Variants in VPS13D observed in about 807,000 individuals in gnomAD.
VPS13D encodes the protein intermembrane lipid transfer protein VPS13D.
Under a neutral mutation model 461.9 loss-of-function variants are expected in VPS13D, and 187 were observed. That is an observed-to-expected ratio of 0.40 (90% CI 0.36 to 0.46). VPS13D has a LOEUF of 0.46. VPS13D is among the 20% of genes least tolerant of loss of function. The pLI, the probability that VPS13D is intolerant of heterozygous loss-of-function variation, is 0.60. For synonymous variants in VPS13D, 1,951 were observed against 1,986.3 expected, an observed-to-expected ratio of 0.98 and a Z score of 0.47; for missense variants, 4,711 against 5,364.9, an observed-to-expected ratio of 0.88 and a Z score of 3.81.
At chr1:12,297,396 A>G (rs1467794604) in intron 24 of VPS13D, among the ~76,000 whole-genome samples, 1 of 152,100 alleles carries the variant, frequency 6.6e-6, no homozygotes, top group Non-Finnish European at 1.5e-5. Flanking sequence ...AACCTCTTAT[A>G]TTTGTTACAC....
At chr1:12,375,134 T>A (rs1644180948) in intron 55 of VPS13D, among the ~76,000 whole-genome samples, 1 of 152,250 alleles carries the variant, frequency 6.6e-6, no homozygotes, top group African/African-American at 2.4e-5. Flanking sequence ...CTCACTTCCT[T>A]ACTTTCTGAC....
rs146788547 is a variant in VPS13D at position 12,348,078 on chromosome 1, A to G, written c.9070-745A>G. Among the ~76,000 whole-genome samples, 675 of 152,378 alleles carry G rather than the reference A, an allele frequency of 4.4e-3. 3 individuals are homozygous for G. Among genetic ancestry groups the G allele is most frequent in the African/African-American group, 0.016 (649 of 41,584 alleles). ...GTGTAGACATGTCAACAAATAATAT[A>G]TGGACCTAAATAATATATTTTATGA... On this transcript the variant is annotated intron_variant, in intron 44 of 69. Coordinates refer to ENST00000620676, the MANE Select transcript of VPS13D (RefSeq NM_015378.4).
Position 12,341,864 on chromosome 1 carries a change from C to A in VPS13D, c.8711C>A (p.Thr2904Asn). The A allele has an allele frequency of 1.2e-6, 2 of 1,614,082 alleles. No homozygotes were observed. Among genetic ancestry groups the A allele is most frequent in the Non-Finnish European group, 1.7e-6 (2 of 1,179,980 alleles). ...NHTGCTLWFA[T>N]LTTTPTRAAL... ...ACGGGGTGCACTTTGTGGTTTGCCA[C>A]CCTGACCACCACACCCACCAGGTAA... is the stretch of plus-strand genomic sequence containing the variant. Residue 2904 changes from threonine (T) to asparagine (N), a missense_variant, in exon 41 of 70, where the codon ACC becomes AAC. This residue lies in a region of VPS13D where 4,411 missense variants were observed against 4,937.8 expected (regional missense o/e 0.89). Coordinates refer to ENST00000620676, the MANE Select transcript of VPS13D (RefSeq NM_015378.4).
intron 63 of VPS13D, among the ~76,000 whole-genome samples, chr1:12,413,082 G>A (rs1433142008): frequency 3.3e-5 from 5 of 152,078 alleles, no homozygotes; most frequent in African/African-American, 9.7e-5. Flanking sequence ...AAGAGACTAC[G>A]CTGAGGTACC....
chr1:12,405,890 T>A lies in VPS13D; in HGVS notation c.12030+1917T>A, dbSNP rs538488299. On this transcript the variant is annotated intron_variant, in intron 63 of 69. Transcript: ENST00000620676. ...CAGACACCTCACTATTCCCTTCAAA[T>A]TGCTCCCAGCAGAAAACTCCCCAGA... Among the ~76,000 whole-genome samples, 24 of 152,284 alleles carry A rather than the reference T, an allele frequency of 1.6e-4. No homozygotes were observed. The Middle Eastern group carries it at 0.01, about 65-fold the overall frequency.
intron 63 of VPS13D, among the ~76,000 whole-genome samples, chr1:12,406,554 T>C (rs1000513526): frequency 7.9e-5 from 12 of 152,188 alleles, no homozygotes; most frequent in South Asian, 2.1e-4. Context: ...TTGCCAGATA[T>C]AGTGTCTGTT....
chr1:12,476,188 A>G (rs1330459745), intron 67 of VPS13D, among the ~76,000 whole-genome samples: 3 of 152,172 alleles, frequency 2.0e-5, no homozygotes, highest in Admixed American at 1.3e-4. Context: ...GTGTTCCTGC[A>G]TTTTCAGAGT....
chr1:12,285,299 T>TA lies in VPS13D; in HGVS notation c.5634+1563_5634+1564insA, dbSNP rs1204796418. Among the ~76,000 whole-genome samples, 272 of 147,340 alleles carry TA rather than the reference T, an allele frequency of 1.8e-3. 1 individual carries two copies. Among genetic ancestry groups the TA allele is most frequent in the African/African-American group, 5.8e-3 (237 of 40,520 alleles). ...TTATTTATTTATTTATTTATTTATT[T>TA]TTTTTTTTTGAGACGGAGTCTCGCT... On this transcript the variant is annotated intron_variant, in intron 21 of 69. Transcript: ENST00000620676.
In VPS13D at chr1:12,507,913, T is replaced by C. The variant is rs1030127163; in HGVS notation, c.13035+820T>C. Among the ~76,000 whole-genome samples, 1 of 152,240 alleles carries C rather than the reference T, an allele frequency of 6.6e-6. No individual in the cohort carries two copies. Among genetic ancestry groups the C allele is most frequent in the Admixed American group, 6.5e-5 (1 of 15,290 alleles). On this transcript the variant is annotated intron_variant, in intron 69 of 69. Coordinates refer to ENST00000620676, the MANE Select transcript of VPS13D (RefSeq NM_015378.4). This position sits in a 1 kb window ranked among gnomAD's most constrained non-coding sequence, Gnocchi z 5.3. ...CCCGGCATACCCGGATTTTGAAGCT[T>C]GCATTCAAGAATGATACATTAATCA...
Position 12,244,229 on chromosome 1 carries a change from T to A in VPS13D, c.176-17T>A. The A allele has an allele frequency of 6.3e-7, 1 of 1,597,444 alleles. No homozygotes were observed. The highest frequency in any genetic ancestry group is 8.5e-7 in the Non-Finnish European group (1 of 1,174,120). On this transcript the variant is annotated splice_polypyrimidine_tract_variant and intron_variant, in intron 3 of 69. Transcript: ENST00000620676. ...AATGTGTACAGATGGTGAACAAGAC[T>A]TTCCTTCTCCTTCCAGGCTTCATTG... is the stretch of plus-strand genomic sequence containing the variant.
rs775596233 is a variant in VPS13D, at chr1:12,249,347, T to C, written c.564+8T>C. 1.3e-6 allele frequency: 2 copies of C among 1,598,802 alleles called. No homozygotes were observed. Among genetic ancestry groups the C allele is most frequent in the Non-Finnish European group, 1.7e-6 (2 of 1,170,704 alleles). On this transcript the variant is annotated splice_region_variant and intron_variant, in intron 6 of 69. Transcript: ENST00000620676. ...AATGCTGTGAATGAGCCTGTGAGTA[T>C]GAAATGTGATGACAAAGCAGGAAGA...
chr1:12,234,382 G>A lies in VPS13D; in HGVS notation c.97+19G>A, dbSNP rs938222484. On this transcript the variant is annotated intron_variant, in intron 2 of 69. Coordinates refer to ENST00000620676, the MANE Select transcript of VPS13D (RefSeq NM_015378.4). ...CTCAAAGGTGAGTATTTCTCTGGGT[G>A]AGATACAGCTTTATAGGTGGCGTTT... 4 of 1,595,304 alleles carry A rather than the reference G, an allele frequency of 2.5e-6. No individual in the cohort carries two copies. The highest frequency in any genetic ancestry group is 2.7e-5 in the African/African-American group (2 of 74,358).
chr1:12,344,647 C>G (rs1035281281), intron 42 of VPS13D, among the ~76,000 whole-genome samples: 3 of 152,176 alleles, frequency 2.0e-5, no homozygotes, highest in African/African-American at 7.2e-5. Context: ...TCCCACTATT[C>G]TGCTTGAATT....
chr1:12,403,810 C>A lies in VPS13D; in HGVS notation c.11882-15C>A. Reference sequence around the variant, plus strand: ...GAAATTCTTTTTTGTTTTTTTAATTCTTCCTTTGTACCAGAGGTGGAAAAA... The same window carrying A: ...GAAATTCTTTTTTGTTTTTTTAATTATTCCTTTGTACCAGAGGTGGAAAAA... On this transcript the variant is annotated splice_polypyrimidine_tract_variant and intron_variant, in intron 62 of 69. Transcript: ENST00000620676. The A allele has an allele frequency of 6.4e-7, 1 of 1,559,992 alleles. No homozygotes were observed. Among genetic ancestry groups the A allele is most frequent in the Non-Finnish European group, 8.6e-7 (1 of 1,156,226 alleles).
rs569860940 is a variant in VPS13D at position 12,432,336 on chromosome 1, G to A, written c.12333+15509G>A. ...TGAACCTGGGGAGGCGGAGGTTGCTGTGAGCCTAGATTGTGCCATTGCACT... is the reference window on the plus strand; with the variant it reads ...TGAACCTGGGGAGGCGGAGGTTGCTATGAGCCTAGATTGTGCCATTGCACT... On this transcript the variant is annotated intron_variant, in intron 65 of 69. Transcript: ENST00000620676. 1.1e-4 allele frequency among the ~76,000 whole-genome samples: 16 copies of A among 151,712 alleles called. No homozygotes were observed. In the East Asian group the frequency reaches 3.1e-3, roughly 29 times the overall value.
intron 67 of VPS13D, among the ~76,000 whole-genome samples, chr1:12,477,124 C>T (rs891349088): frequency 4.6e-5 from 7 of 152,118 alleles, no homozygotes; most frequent in Non-Finnish European, 1.0e-4. Context: ...AGCTTGGGCC[C>T]AACTCTTAGT....
intron 34 of VPS13D, 109 bp from the exon 35 acceptor site, chr1:12,323,597 A>G: frequency 9.2e-7 from 1 of 1,083,468 alleles, no homozygotes; most frequent in East Asian, 2.7e-5. Flanking sequence ...AGAGAAATGA[A>G]ATGTTTTAGT....
At chr1:12,253,675 G>T in intron 6 of VPS13D, 47 bp from the exon 7 acceptor site, 1 of 1,415,838 alleles carries the variant, frequency 7.1e-7, no homozygotes, top group South Asian at 1.2e-5. Context: ...TGACATTCAC[G>T]AATAAAGACA....
intron 36 of VPS13D, among the ~76,000 whole-genome samples, chr1:12,328,665 C>T (rs551723352): frequency 6.6e-5 from 10 of 152,220 alleles, no homozygotes; most frequent in South Asian, 2.1e-4. Context: ...TTCAGTCCCC[C>T]GAGTAGCCGG....
Sources: gnomAD v4.1 joint callset for allele counts (sites outside exome capture counted in the v4.1 genomes callset) on GRCh38, gnomAD v4.1.1 for gene constraint, gnomAD v4.1.1 regional missense constraint, Gnocchi (gnomAD v3.1) non-coding constraint, MANE v1.5 for transcripts, NCBI Gene and HGNC (gene_info 2026-07-23, HGNC 2026-07-21) for gene names.